The following CFAP97D2 variants were observed in gnomAD, a reference collection of about 807,000 sequenced individuals.
CFAP97D2 encodes CFAP97 domain containing 2, also known as uncharacterized protein CFAP97D2.
At chr13:114,196,865 G>A (rs903638230) in intron 2 of CFAP97D2, among the ~76,000 whole-genome samples, 1 of 152,218 alleles carries the variant, frequency 6.6e-6, no homozygotes, top group African/African-American at 2.4e-5. Flanking sequence ...TACGTGTAAG[G>A]TGTACATTGG....
intron 1 of CFAP97D2, among the ~76,000 whole-genome samples, chr13:114,180,294 G>C (rs2080827658): frequency 6.6e-6 from 1 of 152,202 alleles, no homozygotes; most frequent in Non-Finnish European, 1.5e-5. Context: ...TGCAGGTCAA[G>C]CATTTCTCTT....
chr13:114,182,601 C>T (rs1001792523), intron 1 of CFAP97D2, among the ~76,000 whole-genome samples: 5 of 152,290 alleles, frequency 3.3e-5, no homozygotes, highest in African/African-American at 4.8e-5. Context: ...GGCAGAGGTC[C>T]CTGCGGCTTT....
chr13:114,214,350 T>C (rs1275852952), intron 4 of CFAP97D2: 2 of 152,220 alleles, frequency 1.3e-5, no homozygotes, highest in African/African-American at 2.4e-5. Flanking sequence ...GAAAATCTAG[T>C]CTGCTTTGCA....
chr13:114,214,902 A>G (rs1040294284), intron 4 of CFAP97D2, among the ~76,000 whole-genome samples: 1 of 150,544 alleles, frequency 6.6e-6, no homozygotes, highest in African/African-American at 2.4e-5. Context: ...AATATTTTAT[A>G]CAGATTTGCC....
In CFAP97D2 at chr13:114,211,721, C is replaced by T. The variant is rs1040857961; in HGVS notation, c.291-191C>T. 2.6e-5 allele frequency among the ~76,000 whole-genome samples: 4 copies of T among 152,230 alleles called. No individual in the cohort carries two copies. The highest frequency in any genetic ancestry group is 9.6e-5 in the African/African-American group (4 of 41,458). ...GCGCGCCGGGGCTGAGTGTGCCCTT[C>T]GCTCCTCTCTGAGCCAGCAGCTCCC... On this transcript the variant is annotated intron_variant, in intron 3 of 4. Coordinates refer to ENST00000646158, the Ensembl canonical transcript of CFAP97D2. This position sits in a 1 kb window ranked among gnomAD's most constrained non-coding sequence, Gnocchi z 4.2.
rs139817699 is a variant in CFAP97D2, at chr13:114,220,173, C to T, written c.481-2325C>T. ...CTTCAGAAGACCCTCCTGGGCCCAG[C>T]GGCCACCTTGACCTGCTGTTGGACC... On this transcript the variant is annotated intron_variant, in intron 4 of 4. Coordinates refer to ENST00000646158, the Ensembl canonical transcript of CFAP97D2. Among the ~76,000 whole-genome samples, 930 of 152,308 alleles carry T rather than the reference C, an allele frequency of 6.1e-3. 6 individuals carry two copies. Among genetic ancestry groups the T allele is most frequent in the African/African-American group, 0.021 (889 of 41,560 alleles).
rs186800285 is a variant in CFAP97D2 at position 114,185,861 on chromosome 13, C to T, written c.90+6441C>T. Among the ~76,000 whole-genome samples the T allele has an allele frequency of 5.3e-5, 8 of 152,330 alleles. No homozygotes were observed. Among genetic ancestry groups the T allele is most frequent in the Admixed American group, 1.3e-4 (2 of 15,306 alleles). ...CGTGCCTCTTGGCATGAACAGCCTGCGTGCCATGAACAGCAACAGGAGGCA... is the reference window on the plus strand; with the variant it reads ...CGTGCCTCTTGGCATGAACAGCCTGTGTGCCATGAACAGCAACAGGAGGCA... On this transcript the variant is annotated intron_variant, in intron 1 of 4. Coordinates refer to ENST00000646158, the Ensembl canonical transcript of CFAP97D2. The surrounding 1 kb of genome is among the most constrained non-coding windows in gnomAD (Gnocchi z 5.2).
intron 1 of CFAP97D2, among the ~76,000 whole-genome samples, chr13:114,182,285 A>G (rs1441011288): frequency 6.6e-6 from 1 of 152,134 alleles, no homozygotes; most frequent in East Asian, 1.9e-4. Context: ...TGGAGTAAAG[A>G]ATAACAAGGC....
At chr13:114,188,593 C>T (rs1025577498) in intron 1 of CFAP97D2, among the ~76,000 whole-genome samples, 22 of 151,724 alleles carry the variant, frequency 1.5e-4, no homozygotes, top group South Asian at 1.0e-3. Flanking sequence ...CTGGCTAACA[C>T]GGTGAAACCC....
At chr13:114,195,537 T>C (rs2080883115) in intron 1 of CFAP97D2, among the ~76,000 whole-genome samples, 1 of 152,226 alleles carries the variant, frequency 6.6e-6, no homozygotes, top group Admixed American at 6.5e-5. Flanking sequence ...GTTAACTATC[T>C]ATAAAGGAAT....
chr13:114,216,465 G>A (rs920746022), intron 4 of CFAP97D2, among the ~76,000 whole-genome samples: 6 of 148,572 alleles, frequency 4.0e-5, no homozygotes, highest in South Asian at 2.3e-4. Flanking sequence ...GACAGGCCCC[G>A]GTGTGTGACG....
At position 114,189,016 on chromosome 13, in the gene CFAP97D2, T is replaced by C. The variant is rs2080860339; in HGVS notation, c.91-7380T>C. On this transcript the variant is annotated intron_variant, in intron 1 of 4. Coordinates refer to ENST00000646158, the Ensembl canonical transcript of CFAP97D2. The surrounding 1 kb of genome is among the most constrained non-coding windows in gnomAD (Gnocchi z 4.5). ...AGGAGGCAAATTACTAATATTTTGCTATTATTAGTAATATTATTACTTATA... is the reference window on the plus strand; with the variant it reads ...AGGAGGCAAATTACTAATATTTTGCCATTATTAGTAATATTATTACTTATA... 6.7e-6 allele frequency among the ~76,000 whole-genome samples: 1 copy of C among 149,284 alleles called. No homozygotes were observed. Among genetic ancestry groups the C allele is most frequent in the Admixed American group, 6.7e-5 (1 of 14,928 alleles).
In CFAP97D2 at chr13:114,185,854, C is replaced by G. The variant is rs555418613; in HGVS notation, c.90+6434C>G. Among the ~76,000 whole-genome samples the G allele has an allele frequency of 6.6e-6, 1 of 152,260 alleles. No individual in the cohort carries two copies. Among genetic ancestry groups the G allele is most frequent in the Admixed American group, 6.5e-5 (1 of 15,286 alleles). On this transcript the variant is annotated intron_variant, in intron 1 of 4. Transcript: ENST00000646158. The surrounding 1 kb of genome is among the most constrained non-coding windows in gnomAD (Gnocchi z 5.2). ...CTGGCTGCGTGCCTCTTGGCATGAA[C>G]AGCCTGCGTGCCATGAACAGCAACA...
chr13:114,210,025 A>G (rs1000300328), intron 3 of CFAP97D2, among the ~76,000 whole-genome samples: 1 of 152,208 alleles, frequency 6.6e-6, no homozygotes, highest in Non-Finnish European at 1.5e-5. Context: ...TACCAAGAAG[A>G]AATTTAACTA....
rs1375566063 is a variant in CFAP97D2 at position 114,185,447 on chromosome 13, G to T, written c.90+6027G>T. On this transcript the variant is annotated intron_variant, in intron 1 of 4. Transcript: ENST00000646158. The surrounding 1 kb of genome is among the most constrained non-coding windows in gnomAD (Gnocchi z 5.2). ...GCTGCACACTCCACGGAGCCTGTGGGAGCCAGGAATGAGTGGGAGCCCCAC... is the reference window on the plus strand; with the variant it reads ...GCTGCACACTCCACGGAGCCTGTGGTAGCCAGGAATGAGTGGGAGCCCCAC... 6.6e-6 allele frequency among the ~76,000 whole-genome samples: 1 copy of T among 152,138 alleles called. No homozygotes were observed. The highest frequency in any genetic ancestry group is 1.5e-5 in the Non-Finnish European group (1 of 68,032).
rs1378365766 is a variant in CFAP97D2 at position 114,203,837 on chromosome 13, T to A, written c.290+3394T>A. Among the ~76,000 whole-genome samples, 1 of 152,216 alleles carries A rather than the reference T, an allele frequency of 6.6e-6. No homozygotes were observed. On this transcript the variant is annotated intron_variant, in intron 3 of 4. Coordinates refer to ENST00000646158, the Ensembl canonical transcript of CFAP97D2. The surrounding 1 kb of genome is among the most constrained non-coding windows in gnomAD (Gnocchi z 4.3). ...GCATCTGGTGTAAACACTTGTCAGA[T>A]GGGGCAGAGATTCTGGGCATTTGGC...
intron 3 of CFAP97D2, among the ~76,000 whole-genome samples, chr13:114,205,108 G>A (rs572881548): frequency 2.6e-5 from 4 of 152,254 alleles, no homozygotes; most frequent in South Asian, 4.1e-4. Context: ...AATGCAAATC[G>A]AAACCACAAC....
intron 1 of CFAP97D2, among the ~76,000 whole-genome samples, chr13:114,182,133 G>A (rs1446510180): frequency 6.8e-6 from 1 of 147,574 alleles, no homozygotes; most frequent in Non-Finnish European, 1.5e-5. Flanking sequence ...GAAAGTAGTA[G>A]GAGAGCAGGG....
intron 4 of CFAP97D2, among the ~76,000 whole-genome samples, chr13:114,215,314 A>G (rs2080988655): frequency 6.6e-6 from 1 of 152,218 alleles, no homozygotes; most frequent in African/African-American, 2.4e-5. Flanking sequence ...TATAGTAAGT[A>G]TATGTTATCA....
Sources: gnomAD v4.1 joint callset for allele counts (sites outside exome capture counted in the v4.1 genomes callset) on GRCh38, gnomAD v4.1.1 for gene constraint, Gnocchi (gnomAD v3.1) non-coding constraint, MANE v1.5 for transcripts, NCBI Gene and HGNC (gene_info 2026-07-23, HGNC 2026-07-21) for gene names.